Variants in EYA2 observed in about 807,000 individuals in gnomAD.
EYA2 encodes the protein protein phosphatase EYA2.
A neutral mutation model predicts 69.2 loss-of-function variants in EYA2; 31 were observed. The ratio of observed to expected loss-of-function variants is 0.45; its 90% CI spans 0.34 to 0.60. EYA2 has a LOEUF of 0.60. Ranked by LOEUF, EYA2 falls within the 20% of genes least tolerant of loss-of-function variation. The pLI, the probability that EYA2 is intolerant of heterozygous loss-of-function variation, is 0.02. For missense variants in EYA2, 622 were observed against 701.2 expected (o/e 0.89, Z 1.28); for synonymous variants, 257 against 279.4 (o/e 0.92, Z 0.80).
intron 1 of EYA2, among the ~76,000 whole-genome samples, chr20:46,922,222 A>G (rs1985209332): frequency 6.6e-6 from 1 of 152,230 alleles, no homozygotes; most frequent in Non-Finnish European, 1.5e-5. Context: ...AATTGATTTA[A>G]TGAACAACCC....
At chr20:47,037,451 T>A (rs1169755483) in intron 5 of EYA2, among the ~76,000 whole-genome samples, 3 of 152,232 alleles carry the variant, frequency 2.0e-5, no homozygotes, top group Non-Finnish European at 4.4e-5. Flanking sequence ...TGTGTTGCAT[T>A]GTATTATTAG....
In EYA2 at chr20:46,963,458, TG is replaced by T. The variant is rs139245746; in HGVS notation, c.-10-26541del. ...GACAGAACCGACAAGGTCCCTGCCC[TG>T]GTGAGCTGAGATTCTAGGACAATCA... On this transcript the variant is annotated intron_variant, in intron 1 of 15. Coordinates refer to ENST00000327619, the MANE Select transcript of EYA2 (RefSeq NM_005244.5). Among the ~76,000 whole-genome samples, 1,340 of 152,320 alleles carry T rather than the reference TG, an allele frequency of 8.8e-3. 21 individuals are homozygous for T. Among genetic ancestry groups the T allele is most frequent in the African/African-American group, 0.03 (1,233 of 41,554 alleles).
At chr20:46,914,952 C>G (rs1411457868) in intron 1 of EYA2, among the ~76,000 whole-genome samples, 1 of 152,132 alleles carries the variant, frequency 6.6e-6, no homozygotes, top group Non-Finnish European at 1.5e-5. Context: ...AGTATGGGGA[C>G]AGGGGGCCGT....
At chr20:46,971,708 A>C (rs1980157213) in intron 1 of EYA2, among the ~76,000 whole-genome samples, 2 of 152,228 alleles carry the variant, frequency 1.3e-5, no homozygotes, top group African/African-American at 4.8e-5. Flanking sequence ...ATCTTTTCAC[A>C]TTATATGTTG....
rs531984039 is a variant in EYA2, at chr20:47,057,516, C to A, written c.416-14669C>A. On this transcript the variant is annotated intron_variant, in intron 5 of 15. Coordinates refer to ENST00000327619, the MANE Select transcript of EYA2 (RefSeq NM_005244.5). ...GCTGACTACTTTTTATATCACCCCC[C>A]CCCCCCATCTCATACCTCCAGACCT... is the stretch of plus-strand genomic sequence containing the variant. 8.3e-3 allele frequency among the ~76,000 whole-genome samples: 1,251 copies of A among 150,528 alleles called. 44 individuals carry two copies. Among genetic ancestry groups the A allele is most frequent in the African/African-American group, 0.028 (1,164 of 41,106 alleles).
Position 47,188,078 on chromosome 20 carries a change from C to G in EYA2, c.1562C>G (p.Ser521Cys). The G allele has an allele frequency of 6.3e-7, 1 of 1,582,866 alleles. No homozygotes were observed. The highest frequency in any genetic ancestry group is 8.6e-7 in the Non-Finnish European group (1 of 1,164,518). The change falls in exon 16 of 16, where the codon TCC becomes TGC. Residue 521 changes from serine (S) to cysteine (C), a missense_variant. Ser to Cys is a moderately radical substitution (Grantham distance 112). Around this residue, in one of 2 missense-constraint regions of EYA2, gnomAD observed 257 missense variants for 351.5 expected, o/e 0.73. Transcript: ENST00000327619. ...KKHNMPFWRI[S>C]CHADLEALRH... ...CACAACATGCCTTTCTGGCGGATATCCTGCCACGCAGACCTGGAGGCACTG... is the reference window on the plus strand; with the variant it reads ...CACAACATGCCTTTCTGGCGGATATGCTGCCACGCAGACCTGGAGGCACTG...
chr20:47,004,777 G>C, intron 3 of EYA2, 165 bp from the exon 4 acceptor site: 1 of 908,272 alleles, frequency 1.1e-6, no homozygotes, highest in Admixed American at 2.1e-5. Flanking sequence ...TAATCTTCCT[G>C]CTTCCCAGGC....
At chr20:47,126,858 A>C (rs1031208442) in intron 9 of EYA2, among the ~76,000 whole-genome samples, 1 of 152,170 alleles carries the variant, frequency 6.6e-6, no homozygotes, top group Non-Finnish European at 1.5e-5. Flanking sequence ...ATGCTGCTCA[A>C]ATTCCTACAA....
At chr20:46,975,238 A>G (rs1980391795) in intron 1 of EYA2, among the ~76,000 whole-genome samples, 1 of 152,206 alleles carries the variant, frequency 6.6e-6, no homozygotes, top group African/African-American at 2.4e-5. Flanking sequence ...CACTGCACCA[A>G]CCTCAGTTTC....
chr20:47,035,393 T>C (rs758037655), intron 5 of EYA2, among the ~76,000 whole-genome samples: 11 of 152,114 alleles, frequency 7.2e-5, no homozygotes, highest in Non-Finnish European at 1.2e-4. Flanking sequence ...CCCCCTCCCA[T>C]AGCCACACAA....
chr20:47,125,659 T>C (rs1258926936), intron 9 of EYA2, among the ~76,000 whole-genome samples: 1 of 152,240 alleles, frequency 6.6e-6, no homozygotes, highest in Non-Finnish European at 1.5e-5. Context: ...GGCAAAGCTC[T>C]CTGTTGTGTG....
chr20:47,141,767 C>T (rs557792227), intron 9 of EYA2, among the ~76,000 whole-genome samples: 1 of 152,322 alleles, frequency 6.6e-6, no homozygotes, highest in South Asian at 2.1e-4. Flanking sequence ...GGGAAGTGTG[C>T]ACTGGCTCCT....
chr20:47,095,659 G>A (rs1274819077), intron 8 of EYA2, among the ~76,000 whole-genome samples: 3 of 152,102 alleles, frequency 2.0e-5, no homozygotes, highest in Admixed American at 2.0e-4. Flanking sequence ...AGTGACCCTG[G>A]ACACTTAAAA....
chr20:46,946,872 T>G (rs1297329059), intron 1 of EYA2, among the ~76,000 whole-genome samples: 10 of 151,878 alleles, frequency 6.6e-5, no homozygotes, highest in African/African-American at 2.4e-4. Context: ...TTACTGCAGT[T>G]TTGGCCTGTT....
intron 9 of EYA2, among the ~76,000 whole-genome samples, chr20:47,134,512 T>C (rs1174704519): frequency 6.6e-6 from 1 of 152,200 alleles, no homozygotes; most frequent in African/African-American, 2.4e-5. Context: ...CATTAATTTA[T>C]TGTTTTTAAT....
At chr20:47,000,231 T>C (rs1409881147) in intron 2 of EYA2, among the ~76,000 whole-genome samples, 10 of 152,252 alleles carry the variant, frequency 6.6e-5, no homozygotes, top group Admixed American at 6.5e-4. Flanking sequence ...TAATAAGCAC[T>C]GGGTAAATGA....
intron 5 of EYA2, among the ~76,000 whole-genome samples, chr20:47,071,028 A>G (rs1007717296): frequency 4.0e-5 from 6 of 151,258 alleles, no homozygotes; most frequent in Admixed American, 2.6e-4. Flanking sequence ...TTTTTTTCCA[A>G]GATGGAGTCT....
At chr20:47,117,709 T>G in intron 9 of EYA2, 1 of 985,348 alleles carries the variant, frequency 1.0e-6, no homozygotes, top group Non-Finnish European at 1.2e-6. Flanking sequence ...TTGTAGAAGT[T>G]GCTAAGGTTC....
intron 2 of EYA2, 28 bp from the exon 3 acceptor site, chr20:47,001,397 AACT>A: frequency 6.2e-7 from 1 of 1,610,744 alleles, no homozygotes; most frequent in Non-Finnish European, 8.5e-7. Context: ...TAATCGCTAA[AACT>A]CTTCCAATTT....
Sources: gnomAD v4.1 joint callset for allele counts (sites outside exome capture counted in the v4.1 genomes callset) on GRCh38, gnomAD v4.1.1 for gene constraint, gnomAD v4.1.1 regional missense constraint, MANE v1.5 for transcripts, NCBI Gene and HGNC (gene_info 2026-07-23, HGNC 2026-07-21) for gene names.